EHD4: variants seen among roughly 807,000 people sequenced by gnomAD.
EHD4 encodes the protein EH domain containing 4.
EHD4 carries 37 observed loss-of-function variants against 51.0 expected under a neutral mutation model. That is an observed-to-expected ratio of 0.73 (90% CI 0.56 to 0.95). The LOEUF is 0.95. EHD4 is among the 40% of genes least tolerant of loss of function. The pLI, the probability that EHD4 is intolerant of heterozygous loss-of-function variation, is 0.00. For missense variants in EHD4, 632 were observed against 733.1 expected (o/e 0.86, Z 1.59); for synonymous variants, 297 against 317.3 (o/e 0.94, Z 0.68).
chr15:41,965,505 C>T (rs547814389), intron 1 of EHD4, among the ~76,000 whole-genome samples: 111 of 152,320 alleles, frequency 7.3e-4, no homozygotes, highest in African/African-American at 2.6e-3. Flanking sequence ...GAACCTTCAT[C>T]TGGCAATGGT....
Position 41,954,107 on chromosome 15 carries a change from C to T in EHD4, c.237-167G>A, listed in dbSNP as rs114672436. On this transcript the variant is annotated intron_variant, in intron 1 of 5. Coordinates refer to ENST00000220325, the MANE Select transcript of EHD4 (RefSeq NM_139265.4). ...TCTGCATTTCTGTTGATGCAACAGA[C>T]GCTACCCCAAGGGAAGTGTACCGTG... is the stretch of plus-strand genomic sequence containing the variant. 9.4e-3 allele frequency among the ~76,000 whole-genome samples: 1,437 copies of T among 152,260 alleles called. 21 individuals carry two copies. The highest frequency in any genetic ancestry group is 0.054 in the South Asian group (258 of 4,820).
At chr15:41,907,327 G>C (rs1390854246) in intron 5 of EHD4, among the ~76,000 whole-genome samples, 1 of 152,184 alleles carries the variant, frequency 6.6e-6, no homozygotes, top group East Asian at 1.9e-4. Flanking sequence ...GGAAACAGCT[G>C]TCTTACTCCT....
At chr15:41,918,242 A>ACACACACACG (rs1347109024) in intron 4 of EHD4, among the ~76,000 whole-genome samples, 27 of 130,476 alleles carry the variant, frequency 2.1e-4, no homozygotes, top group African/African-American at 4.7e-4. Context: ...ACACACACAC[A>ACACACACACG]CGCGCATGTT....
At chr15:41,909,947 C>A (rs2067538556) in intron 4 of EHD4, 84 bp from the exon 5 acceptor site, 1 of 1,520,820 alleles carries the variant, frequency 6.6e-7, no homozygotes, top group South Asian at 1.2e-5. Flanking sequence ...TTAACTCCAT[C>A]ATAACACATA....
At chr15:41,965,921 C>G (rs1595547822) in intron 1 of EHD4, among the ~76,000 whole-genome samples, 1 of 147,614 alleles carries the variant, frequency 6.8e-6, no homozygotes, top group African/African-American at 2.5e-5. Flanking sequence ...CAGCGCTCCC[C>G]TGCCCACCCC....
chr15:41,900,353 A>G lies in EHD4; in HGVS notation c.*292T>C. ...CCTGGGACTTACCAGGCCCACCCCC[A>G]TGCGCATTTCTCCAGGCAGGTTCTG... On this transcript the variant is annotated 3_prime_UTR_variant, in exon 6 of 6. Transcript: ENST00000220325. The surrounding 1 kb of genome is among the most constrained non-coding windows in gnomAD (Gnocchi z 4.8). 2.9e-6 allele frequency: 1 copy of G among 349,114 alleles called. No individual in the cohort carries two copies. The highest frequency in any genetic ancestry group is 5.3e-6 in the Non-Finnish European group (1 of 188,824). The allele number at this position is 349,114 out of a possible 1,614,324, so 21.6% of individuals were successfully genotyped here.
chr15:41,900,632 T>G lies in EHD4; in HGVS notation c.*13A>C, dbSNP rs1279049148. 1 of 1,570,852 alleles carries G rather than the reference T, an allele frequency of 6.4e-7. No homozygotes were observed. The highest frequency in any genetic ancestry group is 1.3e-5 in the African/African-American group (1 of 74,480). On this transcript the variant is annotated 3_prime_UTR_variant, in exon 6 of 6. Transcript: ENST00000220325. This position sits in a 1 kb window ranked among gnomAD's most constrained non-coding sequence, Gnocchi z 4.8. Reference sequence around the variant, plus strand: ...AGGTCCCCCAGTTCCCACCCCGTTCTGCAGCCCACCCCTCAGTCGGCCTTG... The same window carrying G: ...AGGTCCCCCAGTTCCCACCCCGTTCGGCAGCCCACCCCTCAGTCGGCCTTG...
intron 5 of EHD4, among the ~76,000 whole-genome samples, chr15:41,909,334 G>A (rs1037071392): frequency 8.5e-5 from 13 of 152,208 alleles, no homozygotes; most frequent in Non-Finnish European, 1.8e-4. Flanking sequence ...TCAGGGCAGG[G>A]CTGGAGGAGG....
intron 2 of EHD4, among the ~76,000 whole-genome samples, chr15:41,948,346 A>G (rs1475188751): frequency 6.6e-6 from 1 of 152,004 alleles, no homozygotes; most frequent in Non-Finnish European, 1.5e-5. Flanking sequence ...TTTAGGGACA[A>G]GGTCTCTCGC....
intron 2 of EHD4, among the ~76,000 whole-genome samples, chr15:41,950,184 T>C (rs1356835362): frequency 5.3e-5 from 8 of 151,958 alleles, no homozygotes; most frequent in Admixed American, 4.6e-4. Flanking sequence ...AAATGCACCA[T>C]AGACCCCTTG....
At chr15:41,972,221 G>A (rs2068001678) in intron 1 of EHD4, 38 bp downstream of exon 1, 1 of 1,487,774 alleles carries the variant, frequency 6.7e-7, no homozygotes, top group Non-Finnish European at 9.0e-7. Context: ...GGGGAGGGCG[G>A]AGCGGGGCGG....
chr15:41,937,263 G>A (rs961849266), intron 3 of EHD4, among the ~76,000 whole-genome samples: 1 of 152,096 alleles, frequency 6.6e-6, no homozygotes, highest in African/African-American at 2.4e-5. Flanking sequence ...CACAGCTTCC[G>A]TTCCTCCAAG....
intron 3 of EHD4, among the ~76,000 whole-genome samples, chr15:41,931,202 A>T (rs1475350341): frequency 6.6e-6 from 1 of 152,148 alleles, no homozygotes; most frequent in Non-Finnish European, 1.5e-5. Context: ...CATGTCCAAC[A>T]TGTTGTTTTG....
At chr15:41,970,620 G>C (rs937080317) in intron 1 of EHD4, among the ~76,000 whole-genome samples, 2 of 152,240 alleles carry the variant, frequency 1.3e-5, no homozygotes, top group African/African-American at 4.8e-5. Context: ...CAGTCTATGG[G>C]AGCAGAGAGA....
At chr15:41,958,652 A>G (rs1200519159) in intron 1 of EHD4, among the ~76,000 whole-genome samples, 1 of 152,214 alleles carries the variant, frequency 6.6e-6, no homozygotes. Context: ...CGATGAGCTT[A>G]AGAATGAATA....
At chr15:41,963,396 C>T (rs1430664567) in intron 1 of EHD4, among the ~76,000 whole-genome samples, 2 of 150,816 alleles carry the variant, frequency 1.3e-5, no homozygotes, top group African/African-American at 2.4e-5. Context: ...GTCAGGTGTT[C>T]GAGACCAGCC....
rs374527025 is a variant in EHD4 at position 41,966,992 on chromosome 15, T to A, written c.236+5267A>T. Among the ~76,000 whole-genome samples the A allele has an allele frequency of 4.6e-5, 7 of 152,322 alleles. No individual in the cohort carries two copies. In the South Asian group the frequency reaches 1.4e-3, roughly 32 times the overall value. Reference sequence around the variant, plus strand: ...TCCCAAGTCAACAGACCAGCCCAGATATCTCCCTGAGCTCCAGACCCATGT... The same window carrying A: ...TCCCAAGTCAACAGACCAGCCCAGAAATCTCCCTGAGCTCCAGACCCATGT... On this transcript the variant is annotated intron_variant, in intron 1 of 5. Coordinates refer to ENST00000220325, the MANE Select transcript of EHD4 (RefSeq NM_139265.4).
chr15:41,965,186 C>T (rs955093392), intron 1 of EHD4, among the ~76,000 whole-genome samples: 1 of 152,128 alleles, frequency 6.6e-6, no homozygotes, highest in African/African-American at 2.4e-5. Context: ...TTATGTATAA[C>T]AGCATAAAAA....
At chr15:41,923,551 C>T (rs939973771) in intron 3 of EHD4, among the ~76,000 whole-genome samples, 1 of 152,210 alleles carries the variant, frequency 6.6e-6, no homozygotes, top group African/African-American at 2.4e-5. Context: ...TAGGCCCCTC[C>T]CCAGAGCCAC....
Sources: allele counts gnomAD v4.1 joint callset (sites outside exome capture counted in the v4.1 genomes callset), GRCh38; gene constraint gnomAD v4.1.1; non-coding constraint Gnocchi (gnomAD v3.1); transcripts MANE v1.5; gene names NCBI Gene and HGNC (gene_info 2026-07-23, HGNC 2026-07-21).